The following CDKN2B-AS1 variants were observed in gnomAD, a reference collection of about 807,000 sequenced individuals.
CDKN2B-AS1 encodes CDKN2B and CDKN2A antisense cis and trans regulatory RNA 1, also known as CDKN2B antisense RNA 1 (non-protein coding).
intron 1 of CDKN2B-AS1, among the ~76,000 whole-genome samples, chr9:22,002,543 G>A (rs1051962252): frequency 6.6e-6 from 1 of 151,770 alleles, no homozygotes; most frequent in Non-Finnish European, 1.5e-5. Flanking sequence ...TCAAAAAAGG[G>A]AGGGCAATCT....
At chr9:22,118,516 G>C (rs1011915821) in intron 4 of CDKN2B-AS1, 1 of 152,148 alleles carries the variant, frequency 6.6e-6, no homozygotes, top group African/African-American at 2.4e-5. Flanking sequence ...CTTTGGGAAG[G>C]GTAACTTTAT....
chr9:22,125,614 A>G (rs911494575), intron 4 of CDKN2B-AS1, among the ~76,000 whole-genome samples: 3 of 152,364 alleles, frequency 2.0e-5, no homozygotes, highest in Non-Finnish European at 4.4e-5. Context: ...TAAATTGGAC[A>G]AACTTTTTGG....
chr9:21,997,939 C>G lies in CDKN2B-AS1; in HGVS notation n.29+2778C>G, dbSNP rs1283142570. 6.6e-6 allele frequency among the ~76,000 whole-genome samples: 1 copy of G among 151,942 alleles called. No individual in the cohort carries two copies. Among genetic ancestry groups the G allele is most frequent in the Non-Finnish European group, 1.5e-5 (1 of 67,998 alleles). On this transcript the variant is annotated intron_variant and non_coding_transcript_variant, in intron 1 of 4. Transcript: ENST00000650946. This position sits in a 1 kb window ranked among gnomAD's most constrained non-coding sequence, Gnocchi z 4.8. The stretch of plus-strand genomic sequence containing the variant: ...AGGGATCTATCTTTGTTTATTGGAG[C>G]CATATAGCTCAAAGTATAATCATTT...
rs1418585045 is a variant in CDKN2B-AS1 at position 21,997,472 on chromosome 9, AGAGG to A, written n.29+2319_29+2322del. ...ACACACATATGTGGGGGAGAGAAAG[AGAGG>A]GAGGGAGAGAGAGAGAGAGAGAGAG... On this transcript the variant is annotated intron_variant and non_coding_transcript_variant, in intron 1 of 4. Coordinates refer to ENST00000650946, the Ensembl canonical transcript of CDKN2B-AS1. This position sits in a 1 kb window ranked among gnomAD's most constrained non-coding sequence, Gnocchi z 4.8. Among the ~76,000 whole-genome samples, 2 of 142,330 alleles carry A rather than the reference AGAGG, an allele frequency of 1.4e-5. No homozygotes were observed. The highest frequency in any genetic ancestry group is 3.2e-5 in the Non-Finnish European group (2 of 61,690). 93.4% of individuals were successfully genotyped at this position (142,330 alleles called of 152,430 possible).
intron 1 of CDKN2B-AS1, among the ~76,000 whole-genome samples, chr9:22,024,817 A>G (rs1822165674): frequency 6.6e-6 from 1 of 152,174 alleles, no homozygotes; most frequent in Non-Finnish European, 1.5e-5. Flanking sequence ...TGGTGTGCGC[A>G]GTAAGGGCTG....
chr9:22,003,830 A>G, intron 1 of CDKN2B-AS1: 1 of 232,370 alleles, frequency 4.3e-6, no homozygotes, highest in Non-Finnish European at 8.5e-6. Context: ...AAGTTAGAGA[A>G]AGAAAAGCCA....
chr9:22,090,870 C>T (rs1420800484), intron 4 of CDKN2B-AS1, among the ~76,000 whole-genome samples: 1 of 152,034 alleles, frequency 6.6e-6, no homozygotes, highest in Non-Finnish European at 1.5e-5. Context: ...GTTGCCATTG[C>T]TTTTGGTGTT....
intron 4 of CDKN2B-AS1, among the ~76,000 whole-genome samples, chr9:22,099,892 A>G (rs1825424296): frequency 6.6e-6 from 1 of 152,050 alleles, no homozygotes; most frequent in South Asian, 2.1e-4. Context: ...AACAAATAAC[A>G]CCCGTGGCTT....
At chr9:22,065,460 A>G (rs1563958363) in intron 4 of CDKN2B-AS1, among the ~76,000 whole-genome samples, 1 of 152,210 alleles carries the variant, frequency 6.6e-6, no homozygotes, top group Non-Finnish European at 1.5e-5. Flanking sequence ...ATAGGCAAAT[A>G]TGATTCTAAC....
chr9:22,079,776 C>T (rs72651088), intron 4 of CDKN2B-AS1, among the ~76,000 whole-genome samples: 138 of 152,254 alleles, frequency 9.1e-4, no homozygotes, highest in Non-Finnish European at 1.8e-3. Flanking sequence ...CTCAGATGCC[C>T]ATGTCCCTTC....
At chr9:22,008,749 C>T (rs1177738787) in intron 1 of CDKN2B-AS1, 1 of 1,610,458 alleles carries the variant, frequency 6.2e-7, no homozygotes, top group Admixed American at 1.7e-5. Flanking sequence ...CGAGGCCGCG[C>T]CCCGCGTTCG....
At chr9:22,058,539 C>G (rs888182254) in intron 4 of CDKN2B-AS1, 1 of 152,160 alleles carries the variant, frequency 6.6e-6, no homozygotes, top group Non-Finnish European at 1.5e-5. Flanking sequence ...CATATAAGCC[C>G]AAATGTAAAC....
At chr9:22,014,399 C>T (rs576078491) in intron 1 of CDKN2B-AS1, among the ~76,000 whole-genome samples, 1 of 152,156 alleles carries the variant, frequency 6.6e-6, no homozygotes, top group East Asian at 1.9e-4. Flanking sequence ...GCTCAGCCTC[C>T]TAAGCTCCTC....
chr9:22,111,546 T>TTCTTA (rs1825804625), intron 4 of CDKN2B-AS1, among the ~76,000 whole-genome samples: 2 of 151,340 alleles, frequency 1.3e-5, no homozygotes, highest in Non-Finnish European at 2.9e-5. Flanking sequence ...TGATCAGATG[T>TTCTTA]CAAAATGTGA....
intron 4 of CDKN2B-AS1, among the ~76,000 whole-genome samples, chr9:22,078,795 G>A (rs1824588417): frequency 1.3e-5 from 2 of 152,144 alleles, no homozygotes; most frequent in African/African-American, 2.4e-5. Flanking sequence ...CTGTAAATCA[G>A]CTCTGAGATC....
intron 4 of CDKN2B-AS1, among the ~76,000 whole-genome samples, chr9:22,069,711 C>G (rs1179263546): frequency 6.6e-6 from 1 of 152,068 alleles, no homozygotes; most frequent in Non-Finnish European, 1.5e-5. Context: ...AATATCAATA[C>G]CTTACTGTTA....
At chr9:22,106,123 C>T (rs1300971493) in intron 4 of CDKN2B-AS1, among the ~76,000 whole-genome samples, 1 of 152,106 alleles carries the variant, frequency 6.6e-6, no homozygotes, top group Non-Finnish European at 1.5e-5. Context: ...CACTCTGTCA[C>T]CCAGGCTGGA....
At chr9:22,063,399 T>C (rs1421336483) in intron 4 of CDKN2B-AS1, among the ~76,000 whole-genome samples, 1 of 152,144 alleles carries the variant, frequency 6.6e-6, no homozygotes, top group African/African-American at 2.4e-5. Context: ...AAGCAGGTGT[T>C]GGTGGGATTC....
chr9:22,023,649 A>AACCTG, intron 1 of CDKN2B-AS1, among the ~76,000 whole-genome samples: 1 of 152,082 alleles, frequency 6.6e-6, no homozygotes, highest in African/African-American at 2.4e-5. Context: ...AGACTGAGGC[A>AACCTG]GGAGAATTGC....
Sources: allele counts gnomAD v4.1 joint callset (sites outside exome capture counted in the v4.1 genomes callset), GRCh38; gene constraint gnomAD v4.1.1; non-coding constraint Gnocchi (gnomAD v3.1); transcripts MANE v1.5; gene names NCBI Gene and HGNC (gene_info 2026-07-23, HGNC 2026-07-21).